Variants in AFF2 observed in about 807,000 individuals in gnomAD.
The protein encoded by AFF2 is ALF transcription elongation factor 2, also known as AF4/FMR2 family member 2.
A neutral mutation model predicts 76.9 loss-of-function variants in AFF2; 14 were observed. The ratio of observed to expected loss-of-function variants is 0.18; its 90% CI spans 0.12 to 0.28. AFF2 has a LOEUF of 0.28. AFF2 is among the 10% of genes least tolerant of loss of function. The pLI, the probability that AFF2 is intolerant of heterozygous loss-of-function variation, is 1.00. For synonymous variants in AFF2, 398 were observed against 366.7 expected, an observed-to-expected ratio of 1.09 and a Z score of -0.98; for missense variants, 868 against 1,001.1, an observed-to-expected ratio of 0.87 and a Z score of 1.79.
At chrX:148,761,465 T>G (rs1389289676) in intron 3 of AFF2, among the ~76,000 whole-genome samples, 13 of 89,278 alleles carry the variant, frequency 1.5e-4, no homozygotes, top group African/African-American at 2.6e-4. Flanking sequence ...CCAGTTTTTT[T>G]TGTTTTTTTT....
chrX:148,779,558 T>C (rs1431687659), intron 3 of AFF2, among the ~76,000 whole-genome samples: 1 of 109,670 alleles, frequency 9.1e-6, no homozygotes, highest in Non-Finnish European at 1.9e-5. Context: ...TTAGGATAGT[T>C]AGCTCTTCTT....
At chrX:148,743,951 T>C (rs1187241126) in intron 3 of AFF2, among the ~76,000 whole-genome samples, 1 of 111,061 alleles carries the variant, frequency 9.0e-6, no homozygotes, top group Non-Finnish European at 1.9e-5. Flanking sequence ...TAAATATGTG[T>C]ATATGAAATA....
intron 3 of AFF2, among the ~76,000 whole-genome samples, chrX:148,691,470 C>T (rs1557260760): frequency 9.0e-6 from 1 of 111,679 alleles, no homozygotes; most frequent in African/African-American, 3.3e-5. Flanking sequence ...ACAATGTGTA[C>T]AAAGTGCAAT....
intron 9 of AFF2, among the ~76,000 whole-genome samples, chrX:148,908,428 A>G (rs1269606679): frequency 8.9e-6 from 1 of 112,101 alleles, no homozygotes. Context: ...TTCACAATTT[A>G]TGTTCTTCTA....
chrX:148,587,562 A>G (rs1482205686), intron 1 of AFF2, among the ~76,000 whole-genome samples: 1 of 112,275 alleles, frequency 8.9e-6, no homozygotes, highest in Non-Finnish European at 1.9e-5. Context: ...CTTGAGCATT[A>G]GAATACTATA....
At chrX:148,822,020 T>A (rs2070333990) in intron 4 of AFF2, 2 of 112,335 alleles carry the variant, frequency 1.8e-5, no homozygotes, top group Non-Finnish European at 3.8e-5. Context: ...TCCATGAAAA[T>A]ATTACAAGTT....
At chrX:148,740,131 G>A (rs1322294564) in intron 3 of AFF2, among the ~76,000 whole-genome samples, 3 of 111,676 alleles carry the variant, frequency 2.7e-5, no homozygotes, top group African/African-American at 9.8e-5. Flanking sequence ...GTGCCTAGGT[G>A]AGGATCTTTT....
At chrX:148,915,667 C>T (rs1179770009) in intron 9 of AFF2, among the ~76,000 whole-genome samples, 1 of 112,536 alleles carries the variant, frequency 8.9e-6, no homozygotes, top group Non-Finnish European at 1.9e-5. Flanking sequence ...AAAATCACAA[C>T]TTATTCATCT....
At chrX:148,599,966 T>C (rs2053610904) in intron 1 of AFF2, among the ~76,000 whole-genome samples, 1 of 112,086 alleles carries the variant, frequency 8.9e-6, no homozygotes, top group South Asian at 3.7e-4. Flanking sequence ...CCATCACAAC[T>C]TTCTCCTTCA....
intron 3 of AFF2, among the ~76,000 whole-genome samples, chrX:148,783,245 T>C (rs139547785): frequency 3.3e-3 from 365 of 111,865 alleles, no homozygotes; most frequent in Admixed American, 5.1e-3. Flanking sequence ...ACTTTGCCAA[T>C]GTGAAGCCTG....
Position 149,000,372 on chromosome X carries a change from C to A in AFF2, c.*9040C>A, listed in dbSNP as rs1557294083. ...AATCAATCAATTAATGAAATGTTAT[C>A]TGGTTTTTAAAAGCTGGTTTCATGT... On this transcript the variant is annotated 3_prime_UTR_variant, in exon 21 of 21. Transcript: ENST00000370460. 8.9e-6 allele frequency: 1 copy of A among 112,694 alleles called. No individual in the cohort carries two copies. Among genetic ancestry groups the A allele is most frequent in the Admixed American group, 9.3e-5 (1 of 10,698 alleles). 9.3% of individuals were successfully genotyped at this position (112,694 alleles called of 1,213,427 possible).
intron 3 of AFF2, among the ~76,000 whole-genome samples, chrX:148,686,651 C>T (rs1158665434): frequency 9.0e-6 from 1 of 111,464 alleles, no homozygotes; most frequent in Non-Finnish European, 1.9e-5. Flanking sequence ...TAGTGCCTAC[C>T]AGTACCTGCT....
chrX:148,968,457 C>T, intron 15 of AFF2, among the ~76,000 whole-genome samples: 1 of 111,926 alleles, frequency 8.9e-6, no homozygotes, highest in Non-Finnish European at 1.9e-5. Flanking sequence ...AGGAGATTCC[C>T]AATTGCAGAT....
In AFF2 at chrX:148,581,349, TAC is replaced by T. The variant is rs782697103; in HGVS notation, c.48-70644_48-70643del. ...ACATATATACGTATACGTATACGTGTACACACATATATACGTATACGTGTACA... is the reference window on the plus strand; with the variant it reads ...ACATATATACGTATACGTATACGTGTACACATATATACGTATACGTGTACA... On this transcript the variant is annotated intron_variant, in intron 1 of 20. Coordinates refer to ENST00000370460, the MANE Select transcript of AFF2 (RefSeq NM_002025.4). 2.4e-4 allele frequency among the ~76,000 whole-genome samples: 12 copies of T among 50,665 alleles called. 3 individuals carry two copies. Among genetic ancestry groups the T allele is most frequent in the Non-Finnish European group, 4.5e-4 (11 of 24,532 alleles). 44.0% of individuals were successfully genotyped at this position (50,665 alleles called of 115,157 possible).
At chrX:148,913,113 T>C (rs2071489868) in intron 9 of AFF2, among the ~76,000 whole-genome samples, 2 of 112,662 alleles carry the variant, frequency 1.8e-5, no homozygotes, top group African/African-American at 3.2e-5. Flanking sequence ...TAATGAAATT[T>C]GCACAAATGT....
intron 9 of AFF2, among the ~76,000 whole-genome samples, chrX:148,914,512 A>C (rs1198683018): frequency 8.9e-6 from 1 of 111,789 alleles, no homozygotes; most frequent in African/African-American, 3.3e-5. Context: ...GTTAAAGGTT[A>C]GAGTTAGGGA....
At chrX:148,799,277 C>T (rs1345141134) in intron 3 of AFF2, among the ~76,000 whole-genome samples, 1 of 111,469 alleles carries the variant, frequency 9.0e-6, no homozygotes, top group Non-Finnish European at 1.9e-5. Context: ...AGATAAGGGC[C>T]ACGGTTGCAA....
rs1431055895 is a variant in AFF2, at chrX:148,683,135, C to T, written c.1041+20367C>T. Among the ~76,000 whole-genome samples, 11 of 111,547 alleles carry T rather than the reference C, an allele frequency of 9.9e-5. 1 individual carries two copies. The highest frequency in any genetic ancestry group is 3.3e-4 in the African/African-American group (10 of 30,645). On this transcript the variant is annotated intron_variant, in intron 3 of 20. Transcript: ENST00000370460. ...GGTTACACATACACTGAGCAGGTTG[C>T]GTCTACCCTCTGAGCTGACTTTCTC...
chrX:148,987,819 A>T (rs1048535397), intron 20 of AFF2, among the ~76,000 whole-genome samples: 4 of 112,061 alleles, frequency 3.6e-5, no homozygotes, highest in African/African-American at 1.3e-4. Flanking sequence ...ACTCACTGAC[A>T]AAGATCAACA....
Sources: allele counts gnomAD v4.1 joint callset (sites outside exome capture counted in the v4.1 genomes callset), GRCh38; gene constraint gnomAD v4.1.1; transcripts MANE v1.5; gene names NCBI Gene and HGNC (gene_info 2026-07-23, HGNC 2026-07-21).